The following OPA1 variants were observed in gnomAD, a reference collection of about 807,000 sequenced individuals.
OPA1 encodes OPA1 mitochondrial dynamin like GTPase, also known as dynamin-like GTPase OPA1, mitochondrial.
A neutral mutation model predicts 152.9 loss-of-function variants in OPA1; 59 were observed. The ratio of observed to expected loss-of-function variants is 0.39; its 90% CI spans 0.31 to 0.48. The LOEUF (loss-of-function observed/expected upper bound fraction) is 0.48, where lower values mean the gene tolerates loss of function less well. Ranked by LOEUF, OPA1 falls within the 20% of genes least tolerant of loss-of-function variation. The pLI, the probability that OPA1 is intolerant of heterozygous loss-of-function variation, is 0.96. For synonymous variants in OPA1, 400 were observed against 389.9 expected (o/e 1.03, Z -0.31); for missense variants, 1,008 against 1,216.8 (o/e 0.83, Z 2.55).
intron 29 of OPA1, among the ~76,000 whole-genome samples, chr3:193,670,932 A>T (rs1717786314): frequency 6.6e-6 from 1 of 152,114 alleles, no homozygotes; most frequent in South Asian, 2.1e-4. Flanking sequence ...TTGAAAGATG[A>T]TGAGGAGATG....
intron 21 of OPA1, 152 bp downstream of exon 21, chr3:193,649,023 A>G (rs1711746156): frequency 3.4e-6 from 2 of 584,640 alleles, no homozygotes; most frequent in Non-Finnish European, 6.3e-6. Flanking sequence ...ATATCTAACT[A>G]CTTTTGTAGT....
At chr3:193,634,855 C>G (rs1732702863) in intron 8 of OPA1, among the ~76,000 whole-genome samples, 1 of 152,202 alleles carries the variant, frequency 6.6e-6, no homozygotes, top group African/African-American at 2.4e-5. Context: ...ATTCCTCGCT[C>G]TTTATTCCTA....
At chr3:193,689,614 G>C (rs1473828351) in intron 29 of OPA1, among the ~76,000 whole-genome samples, 1 of 152,110 alleles carries the variant, frequency 6.6e-6, no homozygotes, top group Non-Finnish European at 1.5e-5. Flanking sequence ...AATTCAATTG[G>C]ATCTTCTCTG....
chr3:193,656,193 T>C (rs1475916193), intron 22 of OPA1, among the ~76,000 whole-genome samples: 1 of 152,156 alleles, frequency 6.6e-6, no homozygotes. Context: ...GTTCAAGCAG[T>C]GGAAGTGGTT....
At position 193,615,707 on chromosome 3, in the gene OPA1, C is replaced by T. The variant is rs763544858; in HGVS notation, c.385C>T (p.Leu129Phe). The T allele has an allele frequency of 1.2e-6, 2 of 1,611,876 alleles. No homozygotes were observed. The highest frequency in any genetic ancestry group is 1.7e-6 in the Non-Finnish European group (2 of 1,178,176). Residue 129 changes from leucine (L) to phenylalanine (F), a missense_variant, in exon 3 of 31, where the codon CTT (leucine) becomes TTT (phenylalanine). Transcript: ENST00000361510. ...FDQWKDMIPD[L>F]SEYKWIVPDI... ...TCAGTGGAAAGATATGATACCGGAC[C>T]TTAGTGAATATAAATGGATTGTGCC...
At chr3:193,684,183 C>G (rs1720601119) in intron 29 of OPA1, among the ~76,000 whole-genome samples, 1 of 152,096 alleles carries the variant, frequency 6.6e-6, no homozygotes. Context: ...TCATGGGGCC[C>G]TTTATTGTAA....
chr3:193,603,599 T>C (rs75811394), intron 1 of OPA1: 1,694 of 152,350 alleles, frequency 0.011, 14 homozygotes, highest in Non-Finnish European at 0.019. Flanking sequence ...CAAAATCACG[T>C]ACTACTCCAA....
In OPA1 at chr3:193,653,337, A is replaced by T. The variant is rs867553158; in HGVS notation, c.2013-1525A>T. Among the ~76,000 whole-genome samples the T allele has an allele frequency of 3.9e-5, 6 of 152,296 alleles. No individual in the cohort carries two copies. In the South Asian group the frequency reaches 1.2e-3, roughly 32 times the overall value. Reference sequence around the variant, plus strand: ...CAAAATGTTTAGTAAATAGTCTTGGAGGGTAGGAGATGTTGACTCTCCTCA... The same window carrying T: ...CAAAATGTTTAGTAAATAGTCTTGGTGGGTAGGAGATGTTGACTCTCCTCA... On this transcript the variant is annotated intron_variant, in intron 21 of 30. Transcript: ENST00000361510.
intron 29 of OPA1, among the ~76,000 whole-genome samples, chr3:193,676,351 CTTTGTAAAATAA>C (rs2109354552): frequency 1.3e-5 from 2 of 152,040 alleles, no homozygotes; most frequent in East Asian, 3.9e-4. Flanking sequence ...AAAATCTGGG[CTTTGTAAAATAA>C]TTTTTTTTAT....
chr3:193,629,017 G>A (rs1239051973), intron 7 of OPA1, among the ~76,000 whole-genome samples: 2 of 152,066 alleles, frequency 1.3e-5, no homozygotes, highest in East Asian at 1.9e-4. Context: ...GGGTTCAAGC[G>A]ATTCTCCTGC....
At chr3:193,683,142 A>T (rs1242446361) in intron 29 of OPA1, among the ~76,000 whole-genome samples, 1 of 152,224 alleles carries the variant, frequency 6.6e-6, no homozygotes, top group African/African-American at 2.4e-5. Context: ...TTGGGACTTA[A>T]GAGGAGGAAG....
intron 29 of OPA1, among the ~76,000 whole-genome samples, chr3:193,669,987 G>T (rs969777851): frequency 2.6e-5 from 4 of 152,110 alleles, no homozygotes; most frequent in African/African-American, 9.7e-5. Flanking sequence ...TGGAAGCAAG[G>T]GTTTTGCCAG....
At chr3:193,664,806 G>A (rs1187190880) in intron 26 of OPA1, 74 bp from the exon 27 acceptor site, 14 of 835,054 alleles carry the variant, frequency 1.7e-5, no homozygotes, top group Non-Finnish European at 2.6e-5. Context: ...TATAATTTTT[G>A]TACAACTTCT....
intron 1 of OPA1, among the ~76,000 whole-genome samples, chr3:193,605,572 G>A (rs1195799050): frequency 2.0e-5 from 3 of 152,074 alleles, no homozygotes; most frequent in Admixed American, 1.3e-4. Context: ...AGGTGTTTTC[G>A]AAAGATCAGG....
intron 18 of OPA1, 65 bp downstream of exon 18, chr3:193,645,865 T>C (rs1163339847): frequency 7.9e-7 from 1 of 1,272,488 alleles, no homozygotes. Context: ...TGAACTGTTT[T>C]CACTTAAAAC....
intron 29 of OPA1, among the ~76,000 whole-genome samples, chr3:193,675,214 T>C (rs542766675): frequency 6.6e-6 from 1 of 152,026 alleles, no homozygotes; most frequent in South Asian, 2.1e-4. Context: ...ACTGGTGTGT[T>C]CTTTTTGTTT....
intron 1 of OPA1, among the ~76,000 whole-genome samples, chr3:193,596,270 A>AT (rs1202584793): frequency 3.6e-5 from 3 of 82,238 alleles, no homozygotes; most frequent in East Asian, 4.1e-4. Context: ...TTTACTGTTG[A>AT]TTTTTTTAAT....
intron 10 of OPA1, 141 bp from the exon 11 acceptor site, chr3:193,637,811 A>G (rs549045937): frequency 1.3e-6 from 1 of 741,998 alleles, no homozygotes; most frequent in African/African-American, 1.8e-5. Context: ...ATCAATCACC[A>G]TTTTTTTACG....
At chr3:193,662,755 T>C in intron 25 of OPA1, 67 bp from the exon 26 acceptor site, 1 of 1,295,090 alleles carries the variant, frequency 7.7e-7, no homozygotes. Context: ...TTATTAAAAT[T>C]GAGACTGTTT....
Sources: gnomAD v4.1 joint callset for allele counts (sites outside exome capture counted in the v4.1 genomes callset) on GRCh38, gnomAD v4.1.1 for gene constraint, MANE v1.5 for transcripts, NCBI Gene and HGNC (gene_info 2026-07-23, HGNC 2026-07-21) for gene names.